The following XKR6 variants were observed in gnomAD, a reference collection of about 807,000 sequenced individuals.
XKR6 encodes XK-related protein 6.
A neutral mutation model predicts 56.7 loss-of-function variants in XKR6; 22 were observed. The observed-to-expected ratio is 0.39, with a 90% CI of 0.28 to 0.55. The LOEUF is 0.55. Among genes scored for constraint, XKR6 ranks in the 20% least tolerant of loss-of-function variants. The pLI is 0.66. For missense variants in XKR6, 852 were observed against 889.0 expected, an observed-to-expected ratio of 0.96 and a Z score of 0.53; for synonymous variants, 524 against 387.8, an observed-to-expected ratio of 1.35 and a Z score of -4.13.
chr8:11,139,385 C>T (rs1800567935), intron 1 of XKR6, among the ~76,000 whole-genome samples: 1 of 152,184 alleles, frequency 6.6e-6, no homozygotes, highest in Admixed American at 6.5e-5. Context: ...TGCCCCTGCA[C>T]CAGCCACTAG....
chr8:10,912,923 A>ACACACACCC (rs1800450147), intron 2 of XKR6, among the ~76,000 whole-genome samples: 1 of 150,984 alleles, frequency 6.6e-6, no homozygotes, highest in Admixed American at 6.6e-5. Context: ...GTATATCTAT[A>ACACACACCC]TGTAGAGAGT....
chr8:11,154,353 C>T (rs1341099407), intron 1 of XKR6, among the ~76,000 whole-genome samples: 1 of 152,200 alleles, frequency 6.6e-6, no homozygotes, highest in Non-Finnish European at 1.5e-5. Context: ...ACATTCCGTG[C>T]GTACGGTCAC....
intron 1 of XKR6, among the ~76,000 whole-genome samples, chr8:11,005,104 T>C (rs190883619): frequency 3.0e-4 from 46 of 152,174 alleles, no homozygotes; most frequent in South Asian, 4.2e-4. Flanking sequence ...ACTCTATATA[T>C]ACTAAGTTTT....
At chr8:10,990,714 G>C (rs1797970683) in intron 1 of XKR6, among the ~76,000 whole-genome samples, 1 of 151,950 alleles carries the variant, frequency 6.6e-6, no homozygotes, top group Non-Finnish European at 1.5e-5. Flanking sequence ...AGAGTAGCTG[G>C]GACCACAGGC....
chr8:11,182,184 C>A (rs1803022248), intron 1 of XKR6, among the ~76,000 whole-genome samples: 2 of 152,216 alleles, frequency 1.3e-5, no homozygotes, highest in African/African-American at 4.8e-5. Flanking sequence ...GGGACTTGGG[C>A]TCCAAAAGGG....
At chr8:11,046,805 T>C (rs560410757) in intron 1 of XKR6, among the ~76,000 whole-genome samples, 127 of 152,358 alleles carry the variant, frequency 8.3e-4, no homozygotes, top group African/African-American at 2.9e-3. Context: ...AATAGAGTCT[T>C]ATTCATCCTT....
intron 1 of XKR6, among the ~76,000 whole-genome samples, chr8:10,951,299 G>GTT (rs762396240): frequency 8.5e-6 from 1 of 117,542 alleles, no homozygotes; most frequent in African/African-American, 3.3e-5. Flanking sequence ...GTGTGTGTGT[G>GTT]GGGGGGGGGG....
At chr8:11,155,395 T>A (rs1801472821) in intron 1 of XKR6, among the ~76,000 whole-genome samples, 1 of 152,212 alleles carries the variant, frequency 6.6e-6, no homozygotes, top group Non-Finnish European at 1.5e-5. Context: ...AATGTGAATA[T>A]TTTAAAATCT....
At chr8:11,024,117 G>A (rs544836582) in intron 1 of XKR6, among the ~76,000 whole-genome samples, 20 of 152,106 alleles carry the variant, frequency 1.3e-4, no homozygotes, top group Admixed American at 7.2e-4. Context: ...CTCCAGAGAG[G>A]TGGTTCAGGA....
chr8:10,903,741 G>A (rs1800106486), intron 2 of XKR6, among the ~76,000 whole-genome samples: 1 of 152,116 alleles, frequency 6.6e-6, no homozygotes, highest in Admixed American at 6.5e-5. Flanking sequence ...ATCCAAGGAG[G>A]GAGGCCTCAG....
chr8:10,978,137 G>A (rs912936195), intron 1 of XKR6, among the ~76,000 whole-genome samples: 1 of 152,050 alleles, frequency 6.6e-6, no homozygotes, highest in Non-Finnish European at 1.5e-5. Context: ...CACTCAATGA[G>A]GGCCTAGCCC....
chr8:11,149,561 A>G (rs35211404), intron 1 of XKR6, among the ~76,000 whole-genome samples: 35,017 of 152,062 alleles, frequency 0.23, 4,699 homozygotes, highest in Non-Finnish European at 0.3. Flanking sequence ...TATGAAAAAA[A>G]TATTAAAAGC....
chr8:11,076,954 T>C (rs1800290027), intron 1 of XKR6, among the ~76,000 whole-genome samples: 1 of 152,190 alleles, frequency 6.6e-6, no homozygotes, highest in African/African-American at 2.4e-5. Context: ...GGCATGAGGA[T>C]TGCTTGAGCC....
At chr8:11,016,507 G>A (rs942796402) in intron 1 of XKR6, among the ~76,000 whole-genome samples, 1 of 152,198 alleles carries the variant, frequency 6.6e-6, no homozygotes, top group Non-Finnish European at 1.5e-5. Context: ...AGCGGGTAGC[G>A]CCTTCGCCCA....
chr8:11,125,159 G>A (rs1372424517), intron 1 of XKR6, among the ~76,000 whole-genome samples: 2 of 151,840 alleles, frequency 1.3e-5, no homozygotes, highest in East Asian at 3.9e-4. Flanking sequence ...GAAAGCAAGC[G>A]TGGGGCCATG....
At chr8:11,136,374 G>T (rs1017570309) in intron 1 of XKR6, among the ~76,000 whole-genome samples, 1 of 152,172 alleles carries the variant, frequency 6.6e-6, no homozygotes, top group African/African-American at 2.4e-5. Flanking sequence ...TGTGGTGGCG[G>T]GTGCCCGCAA....
intron 1 of XKR6, among the ~76,000 whole-genome samples, chr8:10,989,457 A>G (rs1797938237): frequency 6.6e-6 from 1 of 152,240 alleles, no homozygotes; most frequent in South Asian, 2.1e-4. Context: ...GTTACGTTTA[A>G]TTTAAAAAAG....
intron 1 of XKR6, among the ~76,000 whole-genome samples, chr8:11,178,895 T>C (rs1047006942): frequency 2.0e-5 from 3 of 151,510 alleles, no homozygotes; most frequent in Non-Finnish European, 2.9e-5. Context: ...GAGAGTAGAG[T>C]GCAGTGGCAC....
intron 1 of XKR6, among the ~76,000 whole-genome samples, chr8:10,951,300 G>T (rs55676613): frequency 0.03 from 3,616 of 122,304 alleles, 65 homozygotes; most frequent in East Asian, 0.069. Flanking sequence ...TGTGTGTGTG[G>T]GGGGGGGGGG....
Sources: gnomAD v4.1 joint callset for allele counts (sites outside exome capture counted in the v4.1 genomes callset) on GRCh38, gnomAD v4.1.1 for gene constraint, MANE v1.5 for transcripts, NCBI Gene and HGNC (gene_info 2026-07-23, HGNC 2026-07-21) for gene names.